Variants in ATRX observed in about 807,000 individuals in gnomAD.
The protein encoded by ATRX is chromatin remodeler ATRX.
In ATRX, 12 loss-of-function variants were observed where a neutral mutation model predicts 172.6. The ratio of observed to expected loss-of-function variants is 0.07; its 90% confidence interval spans 0.04 to 0.11. ATRX has a LOEUF of 0.11. Among genes scored for constraint, ATRX ranks in the 10% least tolerant of loss-of-function variants. The pLI is 1.00. For synonymous variants in ATRX, 674 were observed against 594.7 expected, an observed-to-expected ratio of 1.13 and a Z score of -1.94; for missense variants, 1,368 against 1,767.4, an observed-to-expected ratio of 0.77 and a Z score of 4.05.
chrX:77,635,761 T>G (rs1557107741), intron 16 of ATRX, among the ~76,000 whole-genome samples, 154 bp downstream of exon 16: 1 of 111,812 alleles, frequency 8.9e-6, no homozygotes, highest in Non-Finnish European at 1.9e-5. Context: ...TCCTCATTTG[T>G]TTATGAGCTC....
chrX:77,516,300 G>T (rs1466852222), intron 34 of ATRX, among the ~76,000 whole-genome samples: 1 of 111,560 alleles, frequency 9.0e-6, no homozygotes, highest in African/African-American at 3.3e-5. Flanking sequence ...TGTCTGAATG[G>T]ATTTTTAAAA....
intron 1 of ATRX, among the ~76,000 whole-genome samples, chrX:77,746,507 T>C (rs991483482): frequency 7.1e-5 from 8 of 111,909 alleles, no homozygotes; most frequent in African/African-American, 2.6e-4. Context: ...TCCTTGTCCG[T>C]CTGGTTAAAC....
intron 30 of ATRX, among the ~76,000 whole-genome samples, chrX:77,552,022 G>C (rs1326740779): frequency 2.7e-5 from 3 of 111,501 alleles, no homozygotes; most frequent in Non-Finnish European, 5.7e-5. Flanking sequence ...ACTGTTGGTG[G>C]GACTGTAAAC....
intron 19 of ATRX, among the ~76,000 whole-genome samples, chrX:77,631,859 G>GT (rs2068121175): frequency 8.9e-6 from 1 of 112,192 alleles, no homozygotes; most frequent in South Asian, 3.7e-4. Context: ...CAATTTCTTA[G>GT]TTTTGACAAA....
At chrX:77,669,219 A>C (rs1230826574) in intron 10 of ATRX, among the ~76,000 whole-genome samples, 1 of 112,011 alleles carries the variant, frequency 8.9e-6, no homozygotes, top group Non-Finnish European at 1.9e-5. Context: ...CCTAAATCCC[A>C]ATCTGCTATT....
In ATRX at chrX:77,690,116, C is replaced by G. The variant is rs1228108324; in HGVS notation, c.485-1189G>C. ...TAAGAGCTAGAGTCTCACTCTGTCACCTAGGCTGGAATGCAATGGTGCAAA... is the reference window on the plus strand; with the variant it reads ...TAAGAGCTAGAGTCTCACTCTGTCAGCTAGGCTGGAATGCAATGGTGCAAA... On this transcript the variant is annotated intron_variant, in intron 6 of 34. Coordinates refer to ENST00000373344, the MANE Select transcript of ATRX (RefSeq NM_000489.6). Among the ~76,000 whole-genome samples, 3 of 112,198 alleles carry G rather than the reference C, an allele frequency of 2.7e-5. No individual in the cohort carries two copies. In the Admixed American group the frequency reaches 2.8e-4, roughly 11 times the overall value.
chrX:77,655,462 A>T (rs964786588), intron 13 of ATRX, among the ~76,000 whole-genome samples: 1 of 111,420 alleles, frequency 9.0e-6, no homozygotes, highest in Non-Finnish European at 1.9e-5. Flanking sequence ...ACATTATATG[A>T]ATCAACTCAT....
At chrX:77,738,695 C>G (rs2074717227) in intron 1 of ATRX, among the ~76,000 whole-genome samples, 1 of 107,095 alleles carries the variant, frequency 9.3e-6, no homozygotes, top group African/African-American at 3.4e-5. Context: ...TCCTAAATAG[C>G]TGGGATTACA....
At chrX:77,691,609 T>G (rs1227267389) in intron 6 of ATRX, among the ~76,000 whole-genome samples, 2 of 111,768 alleles carry the variant, frequency 1.8e-5, no homozygotes, top group Admixed American at 1.9e-4. Context: ...AACCGTATCT[T>G]TGTGTTATAA....
intron 30 of ATRX, among the ~76,000 whole-genome samples, chrX:77,547,630 T>C (rs191278126): frequency 9.0e-6 from 1 of 111,467 alleles, no homozygotes; most frequent in Non-Finnish European, 1.9e-5. Context: ...AGGTAGACTT[T>C]ATTCTAAAGT....
intron 1 of ATRX, among the ~76,000 whole-genome samples, chrX:77,748,865 G>A (rs1557186276): frequency 9.0e-6 from 1 of 111,491 alleles, no homozygotes; most frequent in Non-Finnish European, 1.9e-5. Context: ...AGGATTATAG[G>A]CATAAGCAAC....
chrX:77,558,474 AG>A (rs1164156925), intron 29 of ATRX, among the ~76,000 whole-genome samples, 194 bp downstream of exon 29: 46 of 111,812 alleles, frequency 4.1e-4, no homozygotes, highest in Admixed American at 5.7e-4. Flanking sequence ...AACCTGAGAA[AG>A]ATGACATCAC....
chrX:77,661,886 CCT>C (rs1303110517), intron 12 of ATRX, among the ~76,000 whole-genome samples: 2 of 110,970 alleles, frequency 1.8e-5, no homozygotes, highest in African/African-American at 6.6e-5. Flanking sequence ...AGCTTCATCC[CCT>C]GTTGTTCCTT....
Position 77,633,395 on chromosome X carries a change from G to T in ATRX, c.4957-11C>A. On this transcript the variant is annotated splice_polypyrimidine_tract_variant and intron_variant, in intron 18 of 34. Coordinates refer to ENST00000373344, the MANE Select transcript of ATRX (RefSeq NM_000489.6). The stretch of plus-strand genomic sequence containing the variant: ...TGCTAATTCAGAAACCTTTTGTGGG[G>T]AAATAAAGATTTTTTTAAGTAGCTA... 1 of 1,201,916 alleles carries T rather than the reference G, an allele frequency of 8.3e-7. No homozygotes were observed.
rs2148627971 is a variant in ATRX, at chrX:77,684,040, G to A, written c.1216C>T (p.His406Tyr). 1 of 1,206,286 alleles carries A rather than the reference G, an allele frequency of 8.3e-7. No homozygotes were observed. The highest frequency in any genetic ancestry group is 1.1e-6 in the Non-Finnish European group (1 of 890,413). The change falls in exon 9 of 35, where the codon CAT (histidine) becomes TAT (tyrosine). Residue 406 changes from histidine (H) to tyrosine (Y), a missense_variant. Transcript: ENST00000373344. Reference protein sequence around the residue: ...KSVLADIKKAHLALEEDLNSE... With the variant: ...KSVLADIKKAYLALEEDLNSE... Reference sequence around the variant, plus strand: ...TTTAAGTCTTCTTCCAATGCAAGATGAGCCTTCTTAATATCAGCCAACACA... The same window carrying A: ...TTTAAGTCTTCTTCCAATGCAAGATAAGCCTTCTTAATATCAGCCAACACA...
At chrX:77,649,814 C>A (rs377129122) in intron 15 of ATRX, among the ~76,000 whole-genome samples, 1 of 111,971 alleles carries the variant, frequency 8.9e-6, no homozygotes, top group African/African-American at 3.2e-5. Flanking sequence ...ACTATAAGTC[C>A]AATAAAACTC....
At chrX:77,580,820 T>A (rs1183377686) in intron 27 of ATRX, among the ~76,000 whole-genome samples, 1 of 112,055 alleles carries the variant, frequency 8.9e-6, no homozygotes, top group East Asian at 2.8e-4. Context: ...GTAGAAAGAC[T>A]AAATGTTGAA....
chrX:77,692,846 AGTGTGTGTGTGTGTGTGTGTGTGT>A (rs3063059), intron 6 of ATRX, among the ~76,000 whole-genome samples: 2 of 82,104 alleles, frequency 2.4e-5, no homozygotes, highest in Admixed American at 1.5e-4. Context: ...CCAATATTAG[AGTGTGTGTGTGTGTGTGTGTGTGT>A]GTGTGTGTGT....
chrX:77,746,325 C>T (rs1229621593), intron 1 of ATRX, among the ~76,000 whole-genome samples: 4 of 111,342 alleles, frequency 3.6e-5, no homozygotes, highest in African/African-American at 9.8e-5. Flanking sequence ...ATCAACAAAA[C>T]ATAAATTCCT....
Sources: allele counts gnomAD v4.1 joint callset (sites outside exome capture counted in the v4.1 genomes callset), GRCh38; gene constraint gnomAD v4.1.1; transcripts MANE v1.5; gene names NCBI Gene and HGNC (gene_info 2026-07-23, HGNC 2026-07-21).